PCDHA3: variants seen among roughly 807,000 people sequenced by gnomAD.
PCDHA3 encodes the protein protocadherin alpha-3.
Under a neutral mutation model 62.2 loss-of-function variants are expected in PCDHA3, and 41 were observed. That is an observed-to-expected ratio of 0.66 (90% CI 0.51 to 0.86). The LOEUF is 0.86. PCDHA3 is among the 40% of genes least tolerant of loss of function. The probability of loss-of-function intolerance (pLI) is 0.00; values close to 1 mark genes in which losing one functional copy is unlikely to be tolerated. For missense variants in PCDHA3, 1,304 were observed against 1,241.2 expected, an observed-to-expected ratio of 1.05 and a Z score of -0.76; for synonymous variants, 640 against 555.4, an observed-to-expected ratio of 1.15 and a Z score of -2.14.
At chr5:140,870,097 C>T in intron 1 of PCDHA3, 1 of 1,613,888 alleles carries the variant, frequency 6.2e-7, no homozygotes, top group African/African-American at 1.3e-5. Context: ...AATGGCAGGT[C>T]ACTGTACAGT....
chr5:140,895,720 C>A (rs1473250558), intron 1 of PCDHA3, among the ~76,000 whole-genome samples: 2 of 152,136 alleles, frequency 1.3e-5, no homozygotes, highest in African/African-American at 4.8e-5. Flanking sequence ...ATGGCCTGCA[C>A]CTCCATTCAA....
chr5:140,821,735 T>A, intron 1 of PCDHA3: 1 of 1,535,068 alleles, frequency 6.5e-7, no homozygotes, highest in South Asian at 1.2e-5. Flanking sequence ...ATACATTGTG[T>A]GGTGATGCAA....
intron 1 of PCDHA3, chr5:140,967,284 A>C: frequency 6.2e-7 from 1 of 1,613,190 alleles, no homozygotes. Context: ...GAGAGTGCGC[A>C]GGACCCCGAC....
At chr5:140,968,008 CT>C (rs782634586) in intron 1 of PCDHA3, 1 of 1,614,202 alleles carries the variant, frequency 6.2e-7, no homozygotes, top group Non-Finnish European at 8.5e-7. Context: ...GACTGAATGG[CT>C]TTGGAAACTC....
At position 140,903,003 on chromosome 5, in the gene PCDHA3, A is replaced by C. The variant is rs115622636; in HGVS notation, c.2395-75946A>C. On this transcript the variant is annotated intron_variant, in intron 1 of 3. Transcript: ENST00000522353. ...TGGTTCCATATTTTTGCAATTGTGAATTGTGCTGCTATCAACATGGCTTGC... is the reference window on the plus strand; with the variant it reads ...TGGTTCCATATTTTTGCAATTGTGACTTGTGCTGCTATCAACATGGCTTGC... Among the ~76,000 whole-genome samples the C allele has an allele frequency of 4.6e-3, 703 of 152,302 alleles. 3 individuals are homozygous for C. The highest frequency in any genetic ancestry group is 0.016 in the African/African-American group (680 of 41,574).
intron 1 of PCDHA3, chr5:140,882,432 A>G: frequency 6.2e-7 from 1 of 1,614,052 alleles, no homozygotes; most frequent in Non-Finnish European, 8.5e-7. Context: ...CTGGGGCTGG[A>G]GCTGGCGGAG....
intron 1 of PCDHA3, chr5:140,822,693 A>C: frequency 6.2e-7 from 1 of 1,609,820 alleles, no homozygotes; most frequent in Non-Finnish European, 8.5e-7. Flanking sequence ...TTAACGGGGA[A>C]CTGGATTATG....
intron 1 of PCDHA3, among the ~76,000 whole-genome samples, chr5:140,918,556 G>A (rs1584104800): frequency 2.0e-5 from 3 of 152,302 alleles, no homozygotes; most frequent in Non-Finnish European, 4.4e-5. Context: ...CAATTGAGAA[G>A]AATGTATATT....
intron 1 of PCDHA3, chr5:140,835,784 C>G: frequency 2.5e-6 from 4 of 1,613,220 alleles, no homozygotes; most frequent in Non-Finnish European, 3.4e-6. Flanking sequence ...TGAAGGAGAA[C>G]AACCCGCCGG....
chr5:140,933,780 T>G (rs1404194841), intron 1 of PCDHA3, among the ~76,000 whole-genome samples: 2 of 152,124 alleles, frequency 1.3e-5, no homozygotes, highest in Non-Finnish European at 2.9e-5. Flanking sequence ...TACAGTTTTC[T>G]TTGTAGGAAA....
rs1554122826 is a variant in PCDHA3, at chr5:140,803,445, T to A, written c.2248T>A (p.Tyr750Asn). Residue 750 changes from tyrosine to asparagine, a missense_variant, in exon 1 of 4, where the codon TAC (tyrosine) becomes AAC (asparagine). Physicochemically the swap from Tyr to Asn is moderately radical, Grantham distance 143. Coordinates refer to ENST00000522353, the MANE Select transcript of PCDHA3 (RefSeq NM_018906.3). The part of the protein sequence containing the change: ...VCSSAVGSWS[Y>N]SQQRQQRVCS... ...CTCCAGCGCGGTGGGGAGCTGGTCA[T>A]ACTCGCAGCAGAGGCAGCAGAGGGT... 1.2e-6 allele frequency: 2 copies of A among 1,613,976 alleles called. No homozygotes were observed. The highest frequency in any genetic ancestry group is 3.3e-5 in the Admixed American group (2 of 60,016).
intron 1 of PCDHA3, chr5:140,850,811 C>T: frequency 6.3e-7 from 1 of 1,598,320 alleles, no homozygotes; most frequent in Non-Finnish European, 8.6e-7. Flanking sequence ...TCATGGCCTT[C>T]AGCCCGGGCC....
At chr5:141,000,415 A>ATT (rs1563651650) in intron 3 of PCDHA3, among the ~76,000 whole-genome samples, 4 of 87,388 alleles carry the variant, frequency 4.6e-5, no homozygotes, top group African/African-American at 1.5e-4. Flanking sequence ...ATATATATAT[A>ATT]TATATATTTT....
chr5:141,003,252 TGGGCAGTGCCTAA>T (rs2098117217), intron 3 of PCDHA3, among the ~76,000 whole-genome samples: 1 of 152,236 alleles, frequency 6.6e-6, no homozygotes, highest in South Asian at 2.1e-4. Context: ...AAAAGATTCC[TGGGCAGTGCCTAA>T]GGGAAGTGCC....
At chr5:140,834,431 G>A (rs2150217688) in intron 1 of PCDHA3, 15 of 1,611,328 alleles carry the variant, frequency 9.3e-6, no homozygotes. Flanking sequence ...ATCTACTGCT[G>A]TTTATTATAA....
intron 1 of PCDHA3, chr5:140,843,861 G>T: frequency 1.1e-6 from 1 of 908,292 alleles, no homozygotes; most frequent in South Asian, 1.8e-5. Context: ...ATAATTAATT[G>T]AATTTTCTCA....
intron 1 of PCDHA3, chr5:140,808,801 C>T (rs1764266687): frequency 6.2e-7 from 1 of 1,612,654 alleles, no homozygotes; most frequent in Non-Finnish European, 8.5e-7. Context: ...TGACCGCTCG[C>T]GATGCCGGCG....
At chr5:140,880,241 C>A (rs529552139) in intron 1 of PCDHA3, among the ~76,000 whole-genome samples, 1 of 150,190 alleles carries the variant, frequency 6.7e-6, no homozygotes, top group African/African-American at 2.5e-5. Flanking sequence ...AGTGTATGTG[C>A]GTGTGTGTAT....
intron 1 of PCDHA3, chr5:140,858,022 G>A (rs1554151044): frequency 1.3e-6 from 2 of 1,597,054 alleles, no homozygotes; most frequent in Non-Finnish European, 8.6e-7. Flanking sequence ...AGCCGTCGCT[G>A]ACGGCCACGG....
Sources: allele counts gnomAD v4.1 joint callset (sites outside exome capture counted in the v4.1 genomes callset), GRCh38; gene constraint gnomAD v4.1.1; transcripts MANE v1.5; gene names NCBI Gene and HGNC (gene_info 2026-07-23, HGNC 2026-07-21).